Variants in AKAP13 observed in about 807,000 individuals in gnomAD.
The protein encoded by AKAP13 is A-kinase anchor protein 13.
A neutral mutation model predicts 264.5 loss-of-function variants in AKAP13; 80 were observed. That is an observed-to-expected ratio of 0.30 (90% CI 0.25 to 0.36). The LOEUF is 0.36. Ranked by LOEUF, AKAP13 falls within the 10% of genes least tolerant of loss-of-function variation. The pLI, the probability that AKAP13 is intolerant of heterozygous loss-of-function variation, is 1.00. For missense variants in AKAP13, 3,712 were observed against 3,435.2 expected (o/e 1.08, Z -2.01); for synonymous variants, 1,380 against 1,250.2 (o/e 1.10, Z -2.19).
Position 85,719,071 on chromosome 15 carries a change from T to G in AKAP13, c.6002-5T>G. The G allele has an allele frequency of 6.2e-7, 1 of 1,613,654 alleles. No individual in the cohort carries two copies. The highest frequency in any genetic ancestry group is 8.5e-7 in the Non-Finnish European group (1 of 1,179,860). On this transcript the variant is annotated splice_polypyrimidine_tract_variant and splice_region_variant and intron_variant, in intron 22 of 36. Transcript: ENST00000394518. ...CCTGACACTTGATCTTTTTCCTCCTTTTAGAGTTGATGCAGACAGAGTTTC... is the reference window on the plus strand; with the variant it reads ...CCTGACACTTGATCTTTTTCCTCCTGTTAGAGTTGATGCAGACAGAGTTTC...
Position 85,688,530 on chromosome 15 carries a change from T to C in AKAP13, c.5289+3657T>C, listed in dbSNP as rs181253502. On this transcript the variant is annotated intron_variant, in intron 16 of 36. Transcript: ENST00000394518. ...TTATTTGAAAATGTCTGCTTTCCTT[T>C]TGCATGATATATATATCTTTATGAA... 2.2e-4 allele frequency among the ~76,000 whole-genome samples: 34 copies of C among 152,332 alleles called. 1 individual carries two copies. The South Asian group carries it at 6.8e-3, about 31-fold the overall frequency.
chr15:85,642,437 A>G (rs1008539941), intron 9 of AKAP13, among the ~76,000 whole-genome samples: 2 of 152,258 alleles, frequency 1.3e-5, no homozygotes, highest in Non-Finnish European at 2.9e-5. Flanking sequence ...ATTCAGTAGG[A>G]AGGGGACAAA....
rs145098345 is a variant in AKAP13 at position 85,522,600 on chromosome 15, A to T, written c.181+1025A>T. On this transcript the variant is annotated intron_variant, in intron 3 of 36. Coordinates refer to ENST00000394518, the MANE Select transcript of AKAP13 (RefSeq NM_007200.5). ...CTAAGTTTGTACCAGATCCTTGTAC[A>T]TTGTCCTCAGCCTCCCTTTCTGAGC... 2.2e-4 allele frequency among the ~76,000 whole-genome samples: 34 copies of T among 152,212 alleles called. No homozygotes were observed. The East Asian group carries it at 6.6e-3, about 29-fold the overall frequency.
chr15:85,660,442 A>T (rs1256746240), intron 12 of AKAP13, among the ~76,000 whole-genome samples: 1 of 150,198 alleles, frequency 6.7e-6, no homozygotes, highest in Non-Finnish European at 1.5e-5. Flanking sequence ...AAATCTCCTC[A>T]CAGTCTTCCA....
chr15:85,542,372 C>T (rs1002418145), intron 4 of AKAP13, among the ~76,000 whole-genome samples: 1 of 152,098 alleles, frequency 6.6e-6, no homozygotes, highest in Non-Finnish European at 1.5e-5. Context: ...GGAAATTTAC[C>T]TTGGAAATAG....
intron 1 of AKAP13, among the ~76,000 whole-genome samples, chr15:85,431,362 T>C (rs2073017045): frequency 6.6e-6 from 1 of 152,222 alleles, no homozygotes; most frequent in African/African-American, 2.4e-5. Context: ...TCTGTAACTC[T>C]AGGCAAATTA....
chr15:85,385,342 A>G (rs938251102), intron 1 of AKAP13, among the ~76,000 whole-genome samples: 10 of 152,188 alleles, frequency 6.6e-5, no homozygotes, highest in Non-Finnish European at 1.5e-4. Context: ...CACTCAGCAC[A>G]TCATTATGTC....
intron 1 of AKAP13, among the ~76,000 whole-genome samples, chr15:85,473,882 A>G (rs1452737645): frequency 6.6e-6 from 1 of 152,236 alleles, no homozygotes; most frequent in Non-Finnish European, 1.5e-5. Flanking sequence ...TGTAAACTTC[A>G]TCTTTCACTG....
At chr15:85,436,408 C>T (rs1327630629) in intron 1 of AKAP13, among the ~76,000 whole-genome samples, 12 of 134,620 alleles carry the variant, frequency 8.9e-5, no homozygotes, top group East Asian at 4.6e-4. Flanking sequence ...GACAGATCAG[C>T]GAGACAGAAA....
rs747729637 is a variant in AKAP13, at chr15:85,664,643, C to A, written c.4880C>A (p.Ala1627Asp). 56 of 1,614,038 alleles carry A rather than the reference C, an allele frequency of 3.5e-5. No homozygotes were observed. Among genetic ancestry groups the A allele is most frequent in the Non-Finnish European group, 4.7e-5 (56 of 1,179,964 alleles). ...SSSLEVSSAN[A>D]EELRHPFSGE... ...TCTCTAGAAGTAAGCTCTGCAAATGCCGAAGAGCTCAGACACCCATTCAGT... is the reference window on the plus strand; with the variant it reads ...TCTCTAGAAGTAAGCTCTGCAAATGACGAAGAGCTCAGACACCCATTCAGT... The change falls in exon 13 of 37, where the codon GCC becomes GAC. Residue 1627 changes from alanine to aspartate, a missense_variant. This residue lies in a region of AKAP13 where 2,759 missense variants were observed against 2,411.7 expected (regional missense o/e 1.14). Transcript: ENST00000394518.
At position 85,664,730 on chromosome 15, in the gene AKAP13, G is replaced by T. The variant is rs143180521; in HGVS notation, c.4967G>T (p.Arg1656Ile). 4 of 1,613,134 alleles carry T rather than the reference G, an allele frequency of 2.5e-6. No individual in the cohort carries two copies. The highest frequency in any genetic ancestry group is 3.4e-6 in the Non-Finnish European group (4 of 1,179,674). ...GAAGAGGATCTGGAGTCAGACCAGAGAGAACATAGGATGTTTGATCAGCAG... is the reference window on the plus strand; with the variant it reads ...GAAGAGGATCTGGAGTCAGACCAGATAGAACATAGGATGTTTGATCAGCAG... Reference protein sequence around the residue: ...LSEEDLESDQREHRMFDQQIC... With the variant: ...LSEEDLESDQIEHRMFDQQIC... The change falls in exon 13 of 37, where the codon AGA (arginine) becomes ATA (isoleucine). Residue 1656 changes from arginine (R) to isoleucine (I), a missense_variant. Physicochemically the swap from Arg to Ile is moderately conservative, Grantham distance 97 (BLOSUM62 -3). Around this residue, in one of 3 missense-constraint regions of AKAP13, gnomAD observed 2,759 missense variants for 2,411.7 expected, o/e 1.14. Coordinates refer to ENST00000394518, the MANE Select transcript of AKAP13 (RefSeq NM_007200.5).
intron 12 of AKAP13, among the ~76,000 whole-genome samples, chr15:85,658,820 A>C (rs1009310054): frequency 6.6e-6 from 1 of 152,134 alleles, no homozygotes; most frequent in Non-Finnish European, 1.5e-5. Flanking sequence ...AATTATTTTT[A>C]ATTTTTTTAA....
At chr15:85,481,858 A>G (rs1238102373) in intron 1 of AKAP13, among the ~76,000 whole-genome samples, 2 of 152,246 alleles carry the variant, frequency 1.3e-5, no homozygotes, top group Non-Finnish European at 2.9e-5. Flanking sequence ...TTCACTGGCT[A>G]CTGGGTGAGG....
At position 85,453,457 on chromosome 15, in the gene AKAP13, A is replaced by G. The variant is rs369665456; in HGVS notation, c.-11-32253A>G. ...CAGAATCTGGAGGTGTTACCAGTGA[A>G]GACTGTGAAACAGCAAAGATGGCTG... On this transcript the variant is annotated intron_variant, in intron 1 of 36. Transcript: ENST00000394518. Among the ~76,000 whole-genome samples the G allele has an allele frequency of 1.3e-4, 20 of 152,356 alleles. 1 individual carries two copies. Among genetic ancestry groups the G allele is most frequent in the African/African-American group, 4.8e-4 (20 of 41,588 alleles).
intron 16 of AKAP13, among the ~76,000 whole-genome samples, chr15:85,688,897 G>T (rs539286146): frequency 2.0e-3 from 306 of 152,328 alleles, no homozygotes; most frequent in African/African-American, 7.2e-3. Flanking sequence ...ATCTTTGAGA[G>T]ATAGTGCTGT....
In AKAP13 at chr15:85,380,628, A is replaced by G. The variant is rs1402390250; in HGVS notation, c.-182A>G. On this transcript the variant is annotated 5_prime_UTR_variant, in exon 1 of 37. Coordinates refer to ENST00000394518, the MANE Select transcript of AKAP13 (RefSeq NM_007200.5). ...GTGTGCAGGGCCAGCGCGGAGCCCG[A>G]GCAGCCGCGGTGAAGCGCCTGTGCT... 6 of 140,802 alleles carry G rather than the reference A, an allele frequency of 4.3e-5. No homozygotes were observed. Among genetic ancestry groups the G allele is most frequent in the Non-Finnish European group, 4.6e-5 (3 of 64,876 alleles). 8.7% of individuals were successfully genotyped at this position (140,802 alleles called of 1,614,324 possible).
chr15:85,422,663 A>C lies in AKAP13; in HGVS notation c.-12+41865A>C, dbSNP rs542333190. Among the ~76,000 whole-genome samples the C allele has an allele frequency of 3.9e-5, 6 of 152,348 alleles. No homozygotes were observed. In the East Asian group the frequency reaches 9.6e-4, roughly 24 times the overall value. ...CTGTGCATACCTGCATATGATTTTA[A>C]ATTAGGAAAGAAAAACCAATCCAAC... On this transcript the variant is annotated intron_variant, in intron 1 of 36. Transcript: ENST00000394518.
intron 1 of AKAP13, among the ~76,000 whole-genome samples, chr15:85,408,703 C>T (rs2071797260): frequency 6.6e-6 from 1 of 151,764 alleles, no homozygotes; most frequent in Non-Finnish European, 1.5e-5. Flanking sequence ...GTATATACCA[C>T]ATTTTGTTTA....
At chr15:85,396,847 A>G (rs1347509095) in intron 1 of AKAP13, among the ~76,000 whole-genome samples, 1 of 151,810 alleles carries the variant, frequency 6.6e-6, no homozygotes, top group Non-Finnish European at 1.5e-5. Context: ...GGAAAATTAA[A>G]GCTGCACAAA....
Sources: gnomAD v4.1 joint callset for allele counts (sites outside exome capture counted in the v4.1 genomes callset) on GRCh38, gnomAD v4.1.1 for gene constraint, gnomAD v4.1.1 regional missense constraint, MANE v1.5 for transcripts, NCBI Gene and HGNC (gene_info 2026-07-23, HGNC 2026-07-21) for gene names.